MYL4: variants seen among roughly 807,000 people sequenced by gnomAD.
The protein encoded by MYL4 is myosin light chain 4.
Under a neutral mutation model 21.6 loss-of-function variants are expected in MYL4, and 16 were observed. That is an observed-to-expected ratio of 0.74 (90% CI 0.50 to 1.12). The LOEUF is 1.12. Ranked by LOEUF, MYL4 falls within the 50% of genes most tolerant of loss-of-function variation. The pLI is 0.00. For missense variants in MYL4, 249 were observed against 252.9 expected, an observed-to-expected ratio of 0.98 and a Z score of 0.11; for synonymous variants, 82 against 95.7, an observed-to-expected ratio of 0.86 and a Z score of 0.83.
upstream of MYL4, among the ~76,000 whole-genome samples, chr17:47,208,584 CACACAG>C (rs1276012913): frequency 3.7e-3 from 509 of 138,826 alleles, 3 homozygotes; most frequent in African/African-American, 0.014. Context: ...CACACACACA[CACACAG>C]AGCACAGAAT....
intron 1 of MYL4, among the ~76,000 whole-genome samples, chr17:47,203,021 G>GGCT (rs1489553976): frequency 6.6e-6 from 1 of 151,986 alleles, no homozygotes; most frequent in East Asian, 1.9e-4. Flanking sequence ...GTACAATCTC[G>GGCT]GCTCACTGCA....
intron 3 of MYL4, among the ~76,000 whole-genome samples, chr17:47,220,936 C>G (rs567219090): frequency 6.6e-6 from 1 of 152,100 alleles, no homozygotes; most frequent in Non-Finnish European, 1.5e-5. Context: ...GGTTCTGGCC[C>G]GTCCCCCTTC....
At chr17:47,203,723 G>T (rs1217314150) in intron 1 of MYL4, among the ~76,000 whole-genome samples, 2 of 152,142 alleles carry the variant, frequency 1.3e-5, no homozygotes, top group Non-Finnish European at 2.9e-5. Context: ...CTATTCAGGT[G>T]TCTTGTTATT....
chr17:47,193,013 C>G, the MYL4 span, among the ~76,000 whole-genome samples: 1 of 152,112 alleles, frequency 6.6e-6, no homozygotes, highest in African/African-American at 2.4e-5. Flanking sequence ...AAAAGCTAGA[C>G]GTGATATCAG....
chr17:47,215,372 G>C (rs1747924495), intron 2 of MYL4, among the ~76,000 whole-genome samples: 3 of 152,182 alleles, frequency 2.0e-5, no homozygotes, highest in Admixed American at 2.0e-4. Flanking sequence ...CTGATGGGGA[G>C]GGGACAACTC....
Position 47,209,350 on chromosome 17 carries a change from C to G in MYL4, c.-73C>G. On this transcript the variant is annotated 5_prime_UTR_variant, in exon 1 of 7. It adds an upstream start codon to the 5' untranslated region. Coordinates refer to ENST00000393450, the MANE Select transcript of MYL4 (RefSeq NM_002476.2). ...GAAGGGAGGCAGCCCAGGCTCCTAT[C>G]TCATCTCCCAGACGCCACGTCTCTC... 6.2e-7 allele frequency: 1 copy of G among 1,603,322 alleles called. No individual in the cohort carries two copies. Among genetic ancestry groups the G allele is most frequent in the Non-Finnish European group, 8.5e-7 (1 of 1,172,192 alleles).
upstream of MYL4, chr17:47,209,313 C>T: frequency 6.8e-7 from 1 of 1,473,820 alleles, no homozygotes; most frequent in Non-Finnish European, 9.4e-7. Context: ...GGCTCCTGCC[C>T]AGGATAAAAG....
At chr17:47,204,138 C>T (rs950907046), upstream of MYL4, among the ~76,000 whole-genome samples, 4 of 152,220 alleles carry the variant, frequency 2.6e-5, no homozygotes, top group African/African-American at 9.6e-5. Context: ...CAGTTTGAGT[C>T]ATGGCGAGTG....
downstream of MYL4, among the ~76,000 whole-genome samples, chr17:47,227,610 A>G (rs1219482043): frequency 6.6e-6 from 1 of 152,098 alleles, no homozygotes; most frequent in African/African-American, 2.4e-5. Flanking sequence ...AGCCTACTCA[A>G]CCTGAAGACA....
chr17:47,208,108 G>A (rs2071438), upstream of MYL4, among the ~76,000 whole-genome samples: 101,943 of 152,102 alleles, frequency 0.67, 34,686 homozygotes, highest in East Asian at 0.86. Context: ...CATGTGTAAA[G>A]TGAAAATAAT....
chr17:47,209,576 T>C lies in MYL4; in HGVS notation c.135+19T>C, dbSNP rs770410342. The C allele has an allele frequency of 3.7e-6, 6 of 1,614,108 alleles. No individual in the cohort carries two copies. Among genetic ancestry groups the C allele is most frequent in the African/African-American group, 1.3e-5 (1 of 75,012 alleles). Reference sequence around the variant, plus strand: ...TGTAAAGGTAAGTGAGGCTCAGCCATTGGGATAGAGGTGGGGATGACATTG... The same window carrying C: ...TGTAAAGGTAAGTGAGGCTCAGCCACTGGGATAGAGGTGGGGATGACATTG... On this transcript the variant is annotated intron_variant, in intron 1 of 6. Transcript: ENST00000393450.
intron 1 of MYL4, among the ~76,000 whole-genome samples, chr17:47,211,808 A>T (rs1488220557): frequency 7.0e-6 from 1 of 143,168 alleles, no homozygotes; most frequent in Non-Finnish European, 1.5e-5. Context: ...AGGACTAGGA[A>T]TGACGGCACT....
In MYL4 at chr17:47,221,742, G is replaced by A. The variant is rs111293783; in HGVS notation, c.374G>A (p.Arg125His). ...TFLPILQHIS[R>H]NKEQGTYEDF... ...TTGCCCATCCTGCAGCACATTTCCC[G>A]CAACAAGGAGCAGGGCACCTATGAG... The change falls in exon 4 of 7, where the codon CGC becomes CAC. Residue 125 changes from arginine to histidine, a missense_variant. Coordinates refer to ENST00000393450, the MANE Select transcript of MYL4 (RefSeq NM_002476.2). 38 of 1,613,996 alleles carry A rather than the reference G, an allele frequency of 2.4e-5. No homozygotes were observed. The highest frequency in any genetic ancestry group is 1.8e-4 in the East Asian group (8 of 44,892).
chr17:47,211,904 G>A (rs946047145), intron 1 of MYL4, among the ~76,000 whole-genome samples: 22 of 152,110 alleles, frequency 1.4e-4, no homozygotes, highest in Non-Finnish European at 2.2e-4. Flanking sequence ...TAAGGACCAC[G>A]AGGTAACATA....
intron 1 of MYL4, among the ~76,000 whole-genome samples, chr17:47,210,551 G>T (rs766139078): frequency 1.2e-4 from 19 of 152,236 alleles, no homozygotes; most frequent in Middle Eastern, 6.8e-3. Flanking sequence ...CAGGGCTGGG[G>T]GTGGTGAGGG....
intron 2 of MYL4, among the ~76,000 whole-genome samples, chr17:47,214,479 C>G (rs1353562511): frequency 4.6e-5 from 7 of 152,088 alleles, no homozygotes; most frequent in Admixed American, 4.6e-4. Context: ...CCACCAAACG[C>G]CTCTAGGACA....
At chr17:47,191,906 CT>C in the MYL4 span, among the ~76,000 whole-genome samples, 1 of 152,176 alleles carries the variant, frequency 6.6e-6, no homozygotes, top group African/African-American at 2.4e-5. Flanking sequence ...TTTTGTAAAC[CT>C]AAATATAGGA....
chr17:47,227,574 C>T (rs538822672), downstream of MYL4, among the ~76,000 whole-genome samples: 4 of 152,236 alleles, frequency 2.6e-5, no homozygotes, highest in African/African-American at 7.2e-5. Flanking sequence ...ACCCTAGGAC[C>T]GCAAGACCAA....
intron 1 of MYL4, among the ~76,000 whole-genome samples, chr17:47,203,370 CTTTCTTGTT>C (rs1362645600): frequency 6.6e-6 from 1 of 151,824 alleles, no homozygotes; most frequent in Non-Finnish European, 1.5e-5. Flanking sequence ...GGGAGATAGT[CTTTCTTGTT>C]TTTCAATTCC....
Sources: gnomAD v4.1 joint callset for allele counts (sites outside exome capture counted in the v4.1 genomes callset) on GRCh38, gnomAD v4.1.1 for gene constraint, MANE v1.5 for transcripts, NCBI Gene and HGNC (gene_info 2026-07-23, HGNC 2026-07-21) for gene names.